NPC1: variants seen among roughly 807,000 people sequenced by gnomAD.
The protein encoded by NPC1 is NPC intracellular cholesterol transporter 1.
NPC1 carries 85 observed loss-of-function variants against 140.4 expected under a neutral mutation model. The ratio of observed to expected loss-of-function variants is 0.61; its 90% CI spans 0.51 to 0.72. NPC1 has a LOEUF of 0.72. Among genes scored for constraint, NPC1 ranks in the 30% least tolerant of loss-of-function variants. The pLI is 0.00. For missense variants in NPC1, 1,504 were observed against 1,623.8 expected (o/e 0.93, Z 1.27); for synonymous variants, 656 against 624.8 (o/e 1.05, Z -0.74).
intron 5 of NPC1, 33 bp from the exon 6 acceptor site, chr18:23,560,513 CAATT>C (rs751704610): frequency 8.1e-6 from 13 of 1,610,994 alleles, no homozygotes; most frequent in Non-Finnish European, 4.2e-6. Flanking sequence ...GTACAAATCT[CAATT>C]AAAAACATCC....
At chr18:23,544,841 A>G (rs1232166890) in intron 12 of NPC1, 119 bp downstream of exon 12, 3 of 790,988 alleles carry the variant, frequency 3.8e-6, no homozygotes, top group Admixed American at 4.8e-5. Flanking sequence ...CAATTAAAAC[A>G]TGGGGGAATT....
In NPC1 at chr18:23,523,543, C is replaced by CAAAAA. The variant is rs374224848; in HGVS notation, c.164-642_164-638dup. Among the ~76,000 whole-genome samples the CAAAAA allele has an allele frequency of 5.8e-4, 44 of 76,362 alleles. 1 individual carries two copies. Among genetic ancestry groups the CAAAAA allele is most frequent in the Non-Finnish European group, 7.0e-4 (30 of 42,562 alleles). 50.1% of individuals were successfully genotyped at this position (76,362 alleles called of 152,430 possible). A position where few individuals can be genotyped will look rare whatever the true frequency, so the allele number is the denominator to read the frequency against. On this transcript the variant is annotated intron_variant, in intron 1 of 1. Coordinates refer to the NPC1 transcript ENST00000590723. Reference sequence around the variant, plus strand: ...CTAGGTAACATAGACCTTGTCTTCACAAAAAAAAAAAAAAAAAAAAAAAAA... The same window carrying CAAAAA: ...CTAGGTAACATAGACCTTGTCTTCACAAAAAAAAAAAAAAAAAAAAAAAAAAAAAA...
At chr18:23,548,816 T>C (rs1466251423) in intron 10 of NPC1, among the ~76,000 whole-genome samples, 3 of 152,128 alleles carry the variant, frequency 2.0e-5, no homozygotes, top group East Asian at 1.9e-4. Context: ...AGGGGGACAG[T>C]GTCTTGTTCT....
chr18:23,541,282 A>T, intron 15 of NPC1, 24 bp downstream of exon 15: 1 of 1,614,208 alleles, frequency 6.2e-7, no homozygotes, highest in Non-Finnish European at 8.5e-7. Flanking sequence ...AATTAAATAG[A>T]CTATAATCCT....
Position 23,510,983 on chromosome 18 carries a change from T to A in NPC1, c.432-4341A>T, listed in dbSNP as rs1452358543. On this transcript the variant is annotated intron_variant, in intron 3 of 3. Coordinates refer to the NPC1 transcript ENST00000591107. ...AGCAGCCCCATTACTGGGTGTAATA[T>A]GCAGAGGAATATAAATTATTCTACC... 6.6e-5 allele frequency among the ~76,000 whole-genome samples: 10 copies of A among 152,298 alleles called. No individual in the cohort carries two copies. In the East Asian group the frequency reaches 1.9e-3, roughly 29 times the overall value.
At chr18:23,506,686 G>A (rs1406206120) in intron 3 of NPC1, 1 of 322,778 alleles carries the variant, frequency 3.1e-6, no homozygotes, top group East Asian at 9.5e-5. Flanking sequence ...TCCTGAGCGG[G>A]TCTATAGTTA....
At chr18:23,529,058 A>G, downstream of NPC1, 1 of 1,460,528 alleles carries the variant, frequency 6.8e-7, no homozygotes, top group Non-Finnish European at 9.1e-7. Flanking sequence ...CTAAGTAGAG[A>G]AAGTGTTTTC....
chr18:23,520,681 G>C (rs920268877), downstream of NPC1, among the ~76,000 whole-genome samples: 1 of 151,624 alleles, frequency 6.6e-6, no homozygotes, highest in Non-Finnish European at 1.5e-5. Context: ...TGTTGCCCAG[G>C]CTGGAGTGCA....
chr18:23,513,522 T>G (rs762994723), intron 3 of NPC1, among the ~76,000 whole-genome samples: 32 of 152,390 alleles, frequency 2.1e-4, no homozygotes, highest in South Asian at 4.1e-4. Flanking sequence ...CAGATACCGC[T>G]TCAAGATCCC....
At chr18:23,530,056 C>T, downstream of NPC1, 3 of 1,614,178 alleles carry the variant, frequency 1.9e-6, no homozygotes, top group South Asian at 2.2e-5. Flanking sequence ...GTTATCAAAA[C>T]CCTTGTCCAG....
intron 11 of NPC1, 148 bp from the exon 12 acceptor site, chr18:23,545,297 C>A (rs1788800): frequency 2.0e-5 from 13 of 658,472 alleles, no homozygotes; most frequent in African/African-American, 1.4e-4. Flanking sequence ...GGCTGAAGTG[C>A]AATGGCGCAA....
Position 23,534,449 on chromosome 18 carries a change from G to A in NPC1, c.3588C>T (p.Ser1196=), listed in dbSNP as rs1417460843. ...RAEEALAHMG[S]SVFSGITLTK... Reference sequence around the variant, plus strand: ...TGGCCCTGCTCAGGGTACTCACGGAGCTGCCCATGTGGGCAAGTGCCTCTT... The same window carrying A: ...TGGCCCTGCTCAGGGTACTCACGGAACTGCCCATGTGGGCAAGTGCCTCTT... Residue 1196 remains serine (S), a synonymous_variant, in exon 23 of 25, where the codon AGC becomes AGT. Transcript: ENST00000269228. The A allele has an allele frequency of 7.5e-6, 12 of 1,608,182 alleles. No individual in the cohort carries two copies. Among genetic ancestry groups the A allele is most frequent in the African/African-American group, 1.3e-5 (1 of 75,000 alleles).
chr18:23,552,206 C>T (rs1474579986), intron 9 of NPC1, among the ~76,000 whole-genome samples: 1 of 152,004 alleles, frequency 6.6e-6, no homozygotes, highest in East Asian at 1.9e-4. Context: ...CGCCTAATCT[C>T]AAGTACTCAG....
downstream of NPC1, among the ~76,000 whole-genome samples, chr18:23,518,149 G>C (rs1368589711): frequency 1.3e-5 from 2 of 152,238 alleles, no homozygotes; most frequent in African/African-American, 4.8e-5. Flanking sequence ...CACTGGACTA[G>C]AATATGCATT....
Position 23,573,542 on chromosome 18 carries a change from C to G in NPC1, c.90G>C (p.Glu30Asp), listed in dbSNP as rs1273070261. 1 of 1,614,162 alleles carries G rather than the reference C, an allele frequency of 6.2e-7. No individual in the cohort carries two copies. The highest frequency in any genetic ancestry group is 1.7e-5 in the Admixed American group (1 of 60,018). ...TCTTGTCCCCATATGCAATTCCACA[C>G]TCTCCATACCAAACACAGGACTGTG... is the stretch of plus-strand genomic sequence containing the variant. ...VFSQSCVWYGECGIAYGDKRY... is the reference protein window; with the variant it reads ...VFSQSCVWYGDCGIAYGDKRY... The change falls in exon 2 of 25, where the codon GAG (glutamate) becomes GAC (aspartate). Residue 30 changes from glutamate (E) to aspartate (D), a missense_variant. Physicochemically the swap from Glu to Asp is conservative, Grantham distance 45 (BLOSUM62 2). Transcript: ENST00000269228.
chr18:23,508,407 G>GT (rs1209732885), intron 3 of NPC1, among the ~76,000 whole-genome samples: 1 of 152,184 alleles, frequency 6.6e-6, no homozygotes, highest in Non-Finnish European at 1.5e-5. Context: ...CTGGTGAGGA[G>GT]TTTCTTTTTC....
intron 3 of NPC1, among the ~76,000 whole-genome samples, chr18:23,571,653 CA>C (rs10618426): frequency 0.16 from 22,348 of 141,282 alleles, 1,763 homozygotes; most frequent in Middle Eastern, 0.29. Flanking sequence ...GAGTCTGTCT[CA>C]AAAAAAAAAA....
At chr18:23,544,809 T>C (rs1313420575) in intron 12 of NPC1, 151 bp downstream of exon 12, 3 of 696,962 alleles carry the variant, frequency 4.3e-6, no homozygotes, top group Non-Finnish European at 7.4e-6. Context: ...AAAATAGATG[T>C]AGGCAACAGA....
intron 20 of NPC1, 90 bp from the exon 21 acceptor site, chr18:23,536,966 A>G: frequency 9.8e-7 from 1 of 1,019,580 alleles, no homozygotes. Flanking sequence ...AAATCACCTG[A>G]CCCTGGACTC....
Sources: allele counts gnomAD v4.1 joint callset (sites outside exome capture counted in the v4.1 genomes callset), GRCh38; gene constraint gnomAD v4.1.1; transcripts MANE v1.5; gene names NCBI Gene and HGNC (gene_info 2026-07-23, HGNC 2026-07-21).